Variants in HS3ST4 observed in about 807,000 individuals in gnomAD.
HS3ST4 encodes the protein heparan sulfate glucosamine 3-O-sulfotransferase 4.
In HS3ST4, 17 loss-of-function variants were observed where a neutral mutation model predicts 29.2. The observed-to-expected ratio is 0.58, with a 90% confidence interval of 0.40 to 0.87. The LOEUF (loss-of-function observed/expected upper bound fraction) is 0.87. Ranked by LOEUF, HS3ST4 falls within the 40% of genes least tolerant of loss-of-function variation. HS3ST4 has a pLI of 0.00. For synonymous variants in HS3ST4, 314 were observed against 285.7 expected (o/e 1.10, Z -1.00); for missense variants, 627 against 634.5 (o/e 0.99, Z 0.13).
intron 1 of HS3ST4, among the ~76,000 whole-genome samples, chr16:26,109,013 A>G (rs1304610356): frequency 6.6e-6 from 1 of 152,176 alleles, no homozygotes; most frequent in Non-Finnish European, 1.5e-5. Context: ...AGAGACACAG[A>G]GTAACCTAGA....
chr16:26,033,857 C>G (rs942434246), intron 1 of HS3ST4, among the ~76,000 whole-genome samples: 3 of 152,184 alleles, frequency 2.0e-5, no homozygotes, highest in Admixed American at 6.5e-5. Flanking sequence ...CCTCAAGAGA[C>G]TCATCTGAGC....
chr16:25,850,050 A>G (rs1352900559), intron 1 of HS3ST4, among the ~76,000 whole-genome samples: 3 of 137,802 alleles, frequency 2.2e-5, no homozygotes, highest in Non-Finnish European at 4.6e-5. Context: ...CCCAGGCTGG[A>G]GTGCAATGGT....
chr16:26,013,869 G>T lies in HS3ST4; in HGVS notation c.735-121743G>T, dbSNP rs184798865. On this transcript the variant is annotated intron_variant, in intron 1 of 1. Transcript: ENST00000331351. ...CTAAAAATACAAAAAAATTAGCTGG[G>T]TGTGGTGGCATGCCCGTAGTCCCAG... 6.5e-3 allele frequency among the ~76,000 whole-genome samples: 990 copies of T among 152,180 alleles called. 3 individuals carry two copies. The highest frequency in any genetic ancestry group is 0.011 in the Non-Finnish European group (742 of 67,986).
chr16:25,970,122 A>G (rs944613370), intron 1 of HS3ST4, among the ~76,000 whole-genome samples: 4 of 152,214 alleles, frequency 2.6e-5, no homozygotes, highest in East Asian at 1.9e-4. Context: ...CCCTTCTCCA[A>G]TCATTTATAC....
At chr16:26,128,115 T>C (rs1899369518) in intron 1 of HS3ST4, among the ~76,000 whole-genome samples, 2 of 152,168 alleles carry the variant, frequency 1.3e-5, no homozygotes, top group South Asian at 4.1e-4. Flanking sequence ...CATTCCTTTC[T>C]GTCTCCTCTC....
At chr16:25,712,375 A>G (rs371784666) in intron 1 of HS3ST4, among the ~76,000 whole-genome samples, 13 of 152,092 alleles carry the variant, frequency 8.5e-5, no homozygotes, top group African/African-American at 3.1e-4. Flanking sequence ...TACAAAAATT[A>G]GCCTGCGTGG....
chr16:26,129,180 C>G (rs183631533), intron 1 of HS3ST4, among the ~76,000 whole-genome samples: 21 of 152,326 alleles, frequency 1.4e-4, no homozygotes, highest in Non-Finnish European at 2.5e-4. Context: ...GTAGCTTGAT[C>G]TGGCAAGAAT....
intron 1 of HS3ST4, among the ~76,000 whole-genome samples, chr16:25,783,218 C>T (rs1966854273): frequency 6.6e-6 from 1 of 152,026 alleles, no homozygotes; most frequent in Non-Finnish European, 1.5e-5. Flanking sequence ...TTCTTTTCAC[C>T]AATCTAATTA....
At chr16:25,735,731 G>A (rs1966604534) in intron 1 of HS3ST4, among the ~76,000 whole-genome samples, 1 of 152,188 alleles carries the variant, frequency 6.6e-6, no homozygotes, top group African/African-American at 2.4e-5. Flanking sequence ...GCAGAGGAAA[G>A]GGAATGCTGC....
rs60752235 is a variant in HS3ST4 at position 25,746,555 on chromosome 16, GT to G, written c.734+53419del. Among the ~76,000 whole-genome samples, 661 of 143,520 alleles carry G rather than the reference GT, an allele frequency of 4.6e-3. 1 individual carries two copies. The highest frequency in any genetic ancestry group is 0.011 in the African/African-American group (418 of 39,224). The allele number at this position is 143,520 out of a possible 152,430, so 94.2% of individuals were successfully genotyped here. ...TGATGCCAGCCATCACAATTGGTTG[GT>G]TTTTTTTTTTTTTTAGACGGAGTCT... On this transcript the variant is annotated intron_variant, in intron 1 of 1. Coordinates refer to ENST00000331351, the MANE Select transcript of HS3ST4 (RefSeq NM_006040.3).
intron 1 of HS3ST4, among the ~76,000 whole-genome samples, chr16:25,804,932 T>C (rs1966975551): frequency 6.6e-6 from 1 of 152,094 alleles, no homozygotes; most frequent in Non-Finnish European, 1.5e-5. Flanking sequence ...ATTACAGTAT[T>C]TTCTCAAGCT....
At chr16:25,997,933 C>T (rs1969171266) in intron 1 of HS3ST4, among the ~76,000 whole-genome samples, 1 of 152,108 alleles carries the variant, frequency 6.6e-6, no homozygotes, top group Non-Finnish European at 1.5e-5. Context: ...TCTTTTCTGT[C>T]TTTTCAAATA....
intron 1 of HS3ST4, among the ~76,000 whole-genome samples, chr16:25,905,758 T>G (rs1968172802): frequency 6.6e-6 from 1 of 152,184 alleles, no homozygotes; most frequent in Admixed American, 6.5e-5. Context: ...TCATTCATGA[T>G]TTTTGTTCCT....
intron 1 of HS3ST4, among the ~76,000 whole-genome samples, chr16:26,019,438 A>G (rs1168088422): frequency 1.3e-5 from 2 of 152,126 alleles, no homozygotes; most frequent in Non-Finnish European, 2.9e-5. Flanking sequence ...GGTTTACTTT[A>G]TTATTGCTTT....
At chr16:26,032,834 G>T in intron 1 of HS3ST4, 1 of 1,569,732 alleles carries the variant, frequency 6.4e-7, no homozygotes. Flanking sequence ...GACGGCAGCA[G>T]GACGTAGGTG....
chr16:25,874,273 T>A (rs1337326375), intron 1 of HS3ST4, among the ~76,000 whole-genome samples: 1 of 151,674 alleles, frequency 6.6e-6, no homozygotes, highest in East Asian at 1.9e-4. Flanking sequence ...CAATAGCAAA[T>A]AACATTTAGT....
chr16:26,118,728 G>A (rs531605743), intron 1 of HS3ST4, among the ~76,000 whole-genome samples: 3 of 152,292 alleles, frequency 2.0e-5, no homozygotes, highest in African/African-American at 7.2e-5. Context: ...GATCACTCCA[G>A]GATGAGGAAA....
At chr16:25,838,655 T>TAAGG (rs986638589) in intron 1 of HS3ST4, among the ~76,000 whole-genome samples, 16 of 152,180 alleles carry the variant, frequency 1.1e-4, no homozygotes, top group African/African-American at 3.9e-4. Context: ...ACCAGTCCCT[T>TAAGG]CTAAGTCTTT....
chr16:26,052,614 G>T (rs527257361), intron 1 of HS3ST4, among the ~76,000 whole-genome samples: 3 of 152,110 alleles, frequency 2.0e-5, no homozygotes, highest in Non-Finnish European at 4.4e-5. Flanking sequence ...CTAGTGATCC[G>T]CCTGCCTCAG....
Sources: gnomAD v4.1 joint callset for allele counts (sites outside exome capture counted in the v4.1 genomes callset) on GRCh38, gnomAD v4.1.1 for gene constraint, MANE v1.5 for transcripts, NCBI Gene and HGNC (gene_info 2026-07-23, HGNC 2026-07-21) for gene names.